Variants in CA10 observed in about 807,000 individuals in gnomAD.
CA10 encodes carbonic anhydrase 10 (inactive), also known as carbonic anhydrase-related protein 10.
A neutral mutation model predicts 44.2 loss-of-function variants in CA10; 14 were observed. The observed-to-expected ratio is 0.32, with a 90% CI of 0.21 to 0.50. The LOEUF is 0.50. CA10 is among the 20% of genes least tolerant of loss of function. The probability of loss-of-function intolerance (pLI) is 0.99; values close to 1 mark genes in which losing one functional copy is unlikely to be tolerated. For missense variants in CA10, 350 were observed against 409.7 expected, an observed-to-expected ratio of 0.85 and a Z score of 1.26; for synonymous variants, 159 against 141.6, an observed-to-expected ratio of 1.12 and a Z score of -0.87.
At chr17:51,918,793 A>T (rs1206790349) in intron 3 of CA10, among the ~76,000 whole-genome samples, 1 of 152,220 alleles carries the variant, frequency 6.6e-6, no homozygotes, top group African/African-American at 2.4e-5. Context: ...CATTATTTGC[A>T]GTTTGGATTT....
chr17:51,876,926 G>A (rs1313558345), intron 3 of CA10, among the ~76,000 whole-genome samples: 1 of 152,188 alleles, frequency 6.6e-6, no homozygotes, highest in Non-Finnish European at 1.5e-5. Context: ...TCTGTAATTA[G>A]GGAGTCCCTT....
chr17:51,728,059 G>A (rs989936686), intron 4 of CA10, among the ~76,000 whole-genome samples: 1 of 151,900 alleles, frequency 6.6e-6, no homozygotes, highest in Admixed American at 6.6e-5. Context: ...CTAATTTTTT[G>A]TTGTTGTTGT....
chr17:52,073,885 C>A (rs1290420277), intron 1 of CA10, among the ~76,000 whole-genome samples: 1 of 152,178 alleles, frequency 6.6e-6, no homozygotes, highest in African/African-American at 2.4e-5. Flanking sequence ...GAATTTGCAG[C>A]ACCAGGGAAA....
chr17:52,154,436 A>G (rs1989763272), intron 1 of CA10, among the ~76,000 whole-genome samples: 2 of 152,240 alleles, frequency 1.3e-5, no homozygotes, highest in African/African-American at 2.4e-5. Flanking sequence ...ACAAAGAAGT[A>G]AAGTTACATA....
At chr17:51,908,951 C>T (rs546369658) in intron 3 of CA10, among the ~76,000 whole-genome samples, 1 of 152,236 alleles carries the variant, frequency 6.6e-6, no homozygotes, top group South Asian at 2.1e-4. Flanking sequence ...ATAGGCCACT[C>T]TCACTGAATA....
chr17:51,774,996 A>C (rs1196398045), intron 3 of CA10, among the ~76,000 whole-genome samples: 2 of 152,138 alleles, frequency 1.3e-5, no homozygotes, highest in African/African-American at 4.8e-5. Flanking sequence ...ATGGGTAAGC[A>C]GGTTCCCAGG....
intron 3 of CA10, among the ~76,000 whole-genome samples, chr17:51,901,656 G>GAGCT (rs1253150837): frequency 1.3e-5 from 2 of 152,128 alleles, no homozygotes; most frequent in East Asian, 3.9e-4. Context: ...TCTCAGTCTG[G>GAGCT]AGCTGAGATT....
chr17:51,997,181 T>C (rs1210578887), intron 2 of CA10, among the ~76,000 whole-genome samples: 2 of 152,118 alleles, frequency 1.3e-5, no homozygotes, highest in Non-Finnish European at 2.9e-5. Context: ...TCATAGAATC[T>C]GGTTCTTTTC....
intron 2 of CA10, among the ~76,000 whole-genome samples, chr17:52,056,320 T>A (rs1481467047): frequency 1.3e-5 from 2 of 151,966 alleles, no homozygotes; most frequent in East Asian, 3.9e-4. Context: ...AATTTGGAAT[T>A]GGAATGCAAA....
Position 51,975,540 on chromosome 17 carries a change from C to T in CA10, c.137-44408G>A, listed in dbSNP as rs140889303. 8.3e-3 allele frequency among the ~76,000 whole-genome samples: 1,270 copies of T among 152,248 alleles called. 11 individuals carry two copies. The highest frequency in any genetic ancestry group is 0.014 in the Admixed American group (216 of 15,296). On this transcript the variant is annotated intron_variant, in intron 2 of 8. Coordinates refer to ENST00000451037, the MANE Select transcript of CA10 (RefSeq NM_020178.5). ...CTAAAAATACAATAACGTAGACAGG[C>T]ATGGTGGCGAATGCCTGTAATTCCA... is the stretch of plus-strand genomic sequence containing the variant.
At chr17:52,079,042 T>C (rs1343492609) in intron 1 of CA10, among the ~76,000 whole-genome samples, 1 of 152,124 alleles carries the variant, frequency 6.6e-6, no homozygotes. Context: ...ATCCCAGCAC[T>C]CTGGGAGGCC....
At chr17:51,752,812 C>T (rs1014414586) in intron 3 of CA10, among the ~76,000 whole-genome samples, 5 of 151,928 alleles carry the variant, frequency 3.3e-5, no homozygotes, top group South Asian at 2.1e-4. Context: ...TGCAGCTACT[C>T]GGAAGGCTGA....
rs377639530 is a variant in CA10, at chr17:51,635,987, C to T, written c.657G>A (p.Gly219=). 38 of 1,583,980 alleles carry T rather than the reference C, an allele frequency of 2.4e-5. No individual in the cohort carries two copies. The highest frequency in any genetic ancestry group is 3.4e-4 in the Middle Eastern group (2 of 5,934). The change falls in exon 7 of 9, where the codon GGG becomes GGA. Residue 219 remains glycine, a synonymous_variant. Coordinates refer to ENST00000451037, the MANE Select transcript of CA10 (RefSeq NM_020178.5). ...CTGGATATAGTTCCTCTATATTAAG[C>T]CCCTGTAGTAAATATGCATCATCTA... ...TYKNDAYLLQ[G]LNIEELYPET...
intron 4 of CA10, among the ~76,000 whole-genome samples, chr17:51,696,451 G>A (rs1294620129): frequency 6.6e-6 from 1 of 152,118 alleles, no homozygotes; most frequent in African/African-American, 2.4e-5. Context: ...CGCAGTTTCT[G>A]ATTGTGCTTA....
At chr17:51,913,022 T>C (rs1347952609) in intron 3 of CA10, among the ~76,000 whole-genome samples, 1 of 152,190 alleles carries the variant, frequency 6.6e-6, no homozygotes, top group East Asian at 1.9e-4. Context: ...GCCCACTCTT[T>C]ATAGCTGGGG....
intron 2 of CA10, among the ~76,000 whole-genome samples, chr17:51,963,123 T>C (rs988501659): frequency 6.6e-6 from 1 of 152,098 alleles, no homozygotes; most frequent in Non-Finnish European, 1.5e-5. Flanking sequence ...AAAATATAAT[T>C]GAAAGCTTTA....
At chr17:52,134,946 GATGCT>G in intron 1 of CA10, 1 of 519,058 alleles carries the variant, frequency 1.9e-6, no homozygotes, top group Admixed American at 1.9e-5. Context: ...AACGGCTCCT[GATGCT>G]GGCCATTGCT....
chr17:51,728,288 T>C (rs1916597313), intron 4 of CA10, among the ~76,000 whole-genome samples: 1 of 152,236 alleles, frequency 6.6e-6, no homozygotes, highest in Non-Finnish European at 1.5e-5. Context: ...CCTTAACTTT[T>C]TTTTTTTATT....
intron 2 of CA10, among the ~76,000 whole-genome samples, chr17:51,983,814 A>G (rs1984735378): frequency 6.6e-6 from 1 of 151,770 alleles, no homozygotes; most frequent in African/African-American, 2.4e-5. Flanking sequence ...GATTGGAGAT[A>G]AAATTTTTAA....
Sources: gnomAD v4.1 joint callset for allele counts (sites outside exome capture counted in the v4.1 genomes callset) on GRCh38, gnomAD v4.1.1 for gene constraint, MANE v1.5 for transcripts, NCBI Gene and HGNC (gene_info 2026-07-23, HGNC 2026-07-21) for gene names.